Variants in KAZN observed in about 807,000 individuals in gnomAD.
KAZN encodes kazrin, periplakin interacting protein.
KAZN carries 40 observed loss-of-function variants against 87.4 expected under a neutral mutation model. That is an observed-to-expected ratio of 0.46 (90% CI 0.36 to 0.60). KAZN has a LOEUF of 0.60. KAZN is among the 20% of genes least tolerant of loss of function. KAZN has a pLI of 0.00. For synonymous variants in KAZN, 466 were observed against 458.3 expected, an observed-to-expected ratio of 1.02 and a Z score of -0.22; for missense variants, 898 against 1,073.9, an observed-to-expected ratio of 0.84 and a Z score of 2.29.
intron 1 of KAZN, among the ~76,000 whole-genome samples, chr1:14,629,293 T>C (rs1195484266): frequency 6.6e-6 from 1 of 152,216 alleles, no homozygotes; most frequent in Non-Finnish European, 1.5e-5. Context: ...AACATGTTTT[T>C]CTCTCTCCAA....
chr1:14,146,612 C>A (rs539485304), intron 1 of KAZN, among the ~76,000 whole-genome samples: 2 of 147,642 alleles, frequency 1.4e-5, no homozygotes, highest in Non-Finnish European at 3.0e-5. Context: ...TTAATCCTTG[C>A]AGGTGCAAAA....
chr1:14,982,630 T>C (rs547887459), intron 2 of KAZN, among the ~76,000 whole-genome samples: 1 of 152,220 alleles, frequency 6.6e-6, no homozygotes, highest in Non-Finnish European at 1.5e-5. Context: ...TTTCACCATA[T>C]TGGCTGTTCT....
intron 1 of KAZN, among the ~76,000 whole-genome samples, chr1:14,097,556 G>A (rs149226683): frequency 3.9e-5 from 6 of 152,226 alleles, no homozygotes; most frequent in East Asian, 3.9e-4. Context: ...CATTGTATTC[G>A]TAGTCAGTAA....
chr1:13,991,083 C>T (rs753906204), intron 1 of KAZN, among the ~76,000 whole-genome samples: 6 of 151,728 alleles, frequency 4.0e-5, no homozygotes, highest in Non-Finnish European at 5.9e-5. Flanking sequence ...GTATATTTAA[C>T]GCATCCCGTG....
chr1:14,308,706 C>T, intron 2 of KAZN, among the ~76,000 whole-genome samples: 1 of 152,102 alleles, frequency 6.6e-6, no homozygotes, highest in East Asian at 1.9e-4. Context: ...TGATAGAGTA[C>T]CTACCTCTTA....
At chr1:15,052,951 C>T (rs1458496597) in intron 4 of KAZN, among the ~76,000 whole-genome samples, 1 of 152,208 alleles carries the variant, frequency 6.6e-6, no homozygotes, top group African/African-American at 2.4e-5. Context: ...CCACCCCACC[C>T]AGGCCTCTTC....
intron 1 of KAZN, among the ~76,000 whole-genome samples, chr1:14,027,071 A>G (rs377518354): frequency 5.3e-5 from 8 of 152,300 alleles, no homozygotes; most frequent in Middle Eastern, 3.4e-3. Flanking sequence ...ACATCCTATC[A>G]AGAACCTGCT....
At chr1:14,066,642 C>T (rs529565770) in intron 1 of KAZN, among the ~76,000 whole-genome samples, 3 of 152,176 alleles carry the variant, frequency 2.0e-5, no homozygotes, top group Non-Finnish European at 4.4e-5. Flanking sequence ...CTGAAGTTGC[C>T]GCCCTCTGTT....
chr1:15,020,147 G>A (rs1017704921), intron 2 of KAZN, among the ~76,000 whole-genome samples: 13 of 152,250 alleles, frequency 8.5e-5, no homozygotes, highest in African/African-American at 2.9e-4. Flanking sequence ...GTCTACTGAC[G>A]TCATGGGGAC....
chr1:14,385,227 C>T (rs568721230), intron 2 of KAZN, among the ~76,000 whole-genome samples: 24 of 152,050 alleles, frequency 1.6e-4, no homozygotes, highest in African/African-American at 4.8e-4. Flanking sequence ...GTCTTGCTAG[C>T]GGTCTATTAA....
In KAZN at chr1:14,883,729, C is replaced by T. The variant is rs1653742001; in HGVS notation, c.227-76955C>T. 2.6e-5 allele frequency among the ~76,000 whole-genome samples: 4 copies of T among 152,312 alleles called. No homozygotes were observed. The South Asian group carries it at 8.3e-4, about 32-fold the overall frequency. ...ATCACATGGACACAGGCAAGACCTTCCAGGCAAGAATCAGACAGGGGGCCT... is the reference window on the plus strand; with the variant it reads ...ATCACATGGACACAGGCAAGACCTTTCAGGCAAGAATCAGACAGGGGGCCT... On this transcript the variant is annotated intron_variant, in intron 1 of 14. Transcript: ENST00000376030.
chr1:14,880,578 A>G (rs1385512131), intron 1 of KAZN, among the ~76,000 whole-genome samples: 1 of 152,134 alleles, frequency 6.6e-6, no homozygotes, highest in Non-Finnish European at 1.5e-5. Context: ...GGGTGACTCA[A>G]ATAGCTGGGC....
intron 2 of KAZN, among the ~76,000 whole-genome samples, chr1:14,973,053 GC>G (rs1163207711): frequency 6.6e-6 from 1 of 151,968 alleles, no homozygotes; most frequent in Non-Finnish European, 1.5e-5. Context: ...GGGTCACCCT[GC>G]CTTTACAGTT....
intron 2 of KAZN, among the ~76,000 whole-genome samples, chr1:14,215,429 C>G (rs1262451431): frequency 6.6e-6 from 1 of 152,170 alleles, no homozygotes; most frequent in Non-Finnish European, 1.5e-5. Flanking sequence ...TGCTCTAGAC[C>G]TTAGTCCCAC....
chr1:14,514,529 A>C (rs189816757), intron 2 of KAZN, among the ~76,000 whole-genome samples: 4,075 of 16,690 alleles, frequency 0.24, 646 homozygotes, highest in African/African-American at 0.44. Context: ...TATATATTTT[A>C]GATATATTTT....
At chr1:14,480,277 C>T (rs745629695) in intron 2 of KAZN, among the ~76,000 whole-genome samples, 7 of 152,188 alleles carry the variant, frequency 4.6e-5, no homozygotes, top group East Asian at 1.9e-4. Context: ...GTGGGCTCTG[C>T]GCATATGCAG....
chr1:14,846,590 A>C (rs1450428979), intron 1 of KAZN, among the ~76,000 whole-genome samples: 2 of 152,214 alleles, frequency 1.3e-5, no homozygotes, highest in Non-Finnish European at 2.9e-5. Context: ...ATTTTAGTTG[A>C]CTTAATAATC....
At chr1:14,335,828 C>G (rs1016247756) in intron 2 of KAZN, among the ~76,000 whole-genome samples, 3 of 151,882 alleles carry the variant, frequency 2.0e-5, no homozygotes, top group Admixed American at 6.6e-5. Flanking sequence ...GTCAGAGAAA[C>G]AGATGGACAG....
intron 1 of KAZN, among the ~76,000 whole-genome samples, chr1:14,808,477 T>C (rs1482599082): frequency 6.6e-6 from 1 of 151,130 alleles, no homozygotes; most frequent in East Asian, 1.9e-4. Flanking sequence ...TTTTTTTTTT[T>C]AGTAGAGACG....
Sources: allele counts gnomAD v4.1 joint callset (sites outside exome capture counted in the v4.1 genomes callset), GRCh38; gene constraint gnomAD v4.1.1; transcripts MANE v1.5; gene names NCBI Gene and HGNC (gene_info 2026-07-23, HGNC 2026-07-21).